THOC5: variants seen among roughly 807,000 people sequenced by gnomAD.
THOC5 encodes THO complex subunit 5.
Under a neutral mutation model 92.9 loss-of-function variants are expected in THOC5, and 43 were observed. The observed-to-expected ratio is 0.46, with a 90% CI of 0.36 to 0.60. The LOEUF is 0.60. THOC5 is among the 20% of genes least tolerant of loss of function. The pLI, the probability that THOC5 is intolerant of heterozygous loss-of-function variation, is 0.00. For missense variants in THOC5, 659 were observed against 849.4 expected, an observed-to-expected ratio of 0.78 and a Z score of 2.79; for synonymous variants, 296 against 320.1, an observed-to-expected ratio of 0.92 and a Z score of 0.80.
In THOC5 at chr22:29,520,992, A is replaced by G; in HGVS notation, c.1277+6T>C. The G allele has an allele frequency of 6.2e-7, 1 of 1,611,408 alleles. No individual in the cohort carries two copies. Among genetic ancestry groups the G allele is most frequent in the East Asian group, 2.2e-5 (1 of 44,866 alleles). Reference sequence around the variant, plus strand: ...GAGCTCGGAGAGGAGGAAACTGCTGACTCACCCAACTTTATCAAACTGATA... The same window carrying G: ...GAGCTCGGAGAGGAGGAAACTGCTGGCTCACCCAACTTTATCAAACTGATA... On this transcript the variant is annotated splice_donor_region_variant and intron_variant, in intron 13 of 19. Coordinates refer to ENST00000490103, the MANE Select transcript of THOC5 (RefSeq NM_003678.5).
chr22:29,515,021 A>G (rs1050515469), intron 17 of THOC5, among the ~76,000 whole-genome samples: 2 of 149,494 alleles, frequency 1.3e-5, no homozygotes, highest in African/African-American at 4.9e-5. Flanking sequence ...GTACTTTTAA[A>G]TTAAGGTATA....
intron 12 of THOC5, among the ~76,000 whole-genome samples, 195 bp downstream of exon 12, chr22:29,525,643 T>C (rs1486089361): frequency 6.6e-6 from 1 of 152,174 alleles, no homozygotes; most frequent in African/African-American, 2.4e-5. Context: ...TAAGAGGACT[T>C]CACAAATTAA....
intron 17 of THOC5, 65 bp from the exon 18 acceptor site, chr22:29,512,201 T>TC: frequency 7.8e-7 from 1 of 1,288,302 alleles, no homozygotes; most frequent in Admixed American, 1.8e-5. Flanking sequence ...CATGGCAGCC[T>TC]CCCCACTGCA....
rs547667686 is a variant in THOC5, at chr22:29,529,236, T to G, written c.851A>C (p.Lys284Thr). The G allele has an allele frequency of 1.2e-6, 2 of 1,614,160 alleles. No homozygotes were observed. Among genetic ancestry groups the G allele is most frequent in the Non-Finnish European group, 8.5e-7 (1 of 1,180,036 alleles). The change falls in exon 9 of 20, where the codon AAG becomes ACG. Residue 284 changes from lysine (K) to threonine (T), a missense_variant. Lys to Thr is a moderately conservative substitution (Grantham distance 78). Coordinates refer to ENST00000490103, the MANE Select transcript of THOC5 (RefSeq NM_003678.5). ...QATAYGQACD[K>T]TLSVAIEGSV... is the part of the protein sequence containing the mutation. ...GCCTTCGATTGCCACAGATAACGTC[T>G]TATCTGGGGGGCAAGAAGAAGTCTG...
intron 9 of THOC5, 84 bp from the exon 10 acceptor site, chr22:29,528,550 G>T: frequency 7.3e-7 from 1 of 1,371,086 alleles, no homozygotes; most frequent in Non-Finnish European, 1.0e-6. Context: ...GCATAAAGGG[G>T]CCCTGACTCT....
intron 11 of THOC5, among the ~76,000 whole-genome samples, chr22:29,527,296 G>A (rs1018079232): frequency 6.6e-6 from 1 of 152,176 alleles, no homozygotes; most frequent in Non-Finnish European, 1.5e-5. Context: ...GCACATGCCT[G>A]TAGCCCCCGC....
chr22:29,533,098 A>G (rs1362103881), intron 7 of THOC5, among the ~76,000 whole-genome samples: 1 of 152,250 alleles, frequency 6.6e-6, no homozygotes, highest in Non-Finnish European at 1.5e-5. Context: ...GAAGACTCAA[A>G]TATTGTCCAG....
Position 29,520,052 on chromosome 22 carries a change from C to T in THOC5, c.1330G>A (p.Val444Met), listed in dbSNP as rs747885558. 6 of 1,613,824 alleles carry T rather than the reference C, an allele frequency of 3.7e-6. No individual in the cohort carries two copies. The highest frequency in any genetic ancestry group is 1.3e-5 in the African/African-American group (1 of 74,988). ...AAGTGGAGGCCACCCAGCTTCTGCA[C>T]CCACAAATAGGGGTGACCTAGCTCA... ...VLELGHPYLW[V>M]QKLGGLHFPK... The change falls in exon 14 of 20, where the codon GTG becomes ATG. Residue 444 changes from valine to methionine, a missense_variant. By Grantham distance (21) the Val-to-Met change is conservative. Transcript: ENST00000490103.
chr22:29,515,674 A>AC (rs1877212790), intron 17 of THOC5, among the ~76,000 whole-genome samples: 1 of 151,580 alleles, frequency 6.6e-6, no homozygotes, highest in Admixed American at 6.6e-5. Flanking sequence ...AAAAAAAAAA[A>AC]AAAAAAATTA....
intron 2 of THOC5, among the ~76,000 whole-genome samples, chr22:29,548,371 C>T (rs1172541046): frequency 6.6e-5 from 10 of 152,034 alleles, no homozygotes; most frequent in Admixed American, 3.9e-4. Flanking sequence ...ACCTGGGTAA[C>T]GTGGCAAAAC....
chr22:29,552,193 T>C (rs2064168070), intron 1 of THOC5, among the ~76,000 whole-genome samples: 1 of 152,170 alleles, frequency 6.6e-6, no homozygotes, highest in African/African-American at 2.4e-5. Context: ...TTGCAGCCTC[T>C]GCCCGGCCGC....
intron 1 of THOC5, among the ~76,000 whole-genome samples, chr22:29,551,047 A>G (rs1382801109): frequency 6.6e-6 from 1 of 152,194 alleles, no homozygotes; most frequent in African/African-American, 2.4e-5. Context: ...TATTAACTAT[A>G]TTAATTTTTA....
chr22:29,520,098 C>T lies in THOC5; in HGVS notation c.1284G>A (p.Leu428=). ...NQYQFDKVGI[L]TLSDYVLELG... is the part of the protein sequence containing the mutation. Reference sequence around the variant, plus strand: ...GCTCAAGTACATAGTCGCTCAAAGTCAGGATGCTGCAGAAAAGAAGATAAA... The same window carrying T: ...GCTCAAGTACATAGTCGCTCAAAGTTAGGATGCTGCAGAAAAGAAGATAAA... Residue 428 remains leucine (L), a synonymous_variant, in exon 14 of 20, where the codon CTG becomes CTA. Transcript: ENST00000490103. 6.2e-7 allele frequency: 1 copy of T among 1,613,264 alleles called. No individual in the cohort carries two copies. Among genetic ancestry groups the T allele is most frequent in the South Asian group, 1.1e-5 (1 of 91,014 alleles).
chr22:29,524,612 G>A (rs958653194), intron 12 of THOC5, among the ~76,000 whole-genome samples: 6 of 152,166 alleles, frequency 3.9e-5, no homozygotes, highest in African/African-American at 1.4e-4. Context: ...CAGTGTAACT[G>A]GGTGCTCAGA....
chr22:29,524,988 T>C (rs8136096), intron 12 of THOC5, among the ~76,000 whole-genome samples: 4,418 of 152,196 alleles, frequency 0.029, 204 homozygotes, highest in African/African-American at 0.1. Context: ...AATGCCATGA[T>C]TGGGCCAGGT....
intron 17 of THOC5, among the ~76,000 whole-genome samples, chr22:29,512,628 A>T (rs1264124111): frequency 6.6e-6 from 1 of 152,220 alleles, no homozygotes; most frequent in Non-Finnish European, 1.5e-5. Context: ...GAGAGTCCTT[A>T]CTGTATCCCA....
intron 1 of THOC5, among the ~76,000 whole-genome samples, chr22:29,551,497 T>G (rs112547061): frequency 8.6e-5 from 13 of 152,032 alleles, no homozygotes; most frequent in Non-Finnish European, 1.3e-4. Context: ...CCCAACACTT[T>G]GGGAAACCAA....
intron 11 of THOC5, among the ~76,000 whole-genome samples, chr22:29,526,339 T>C (rs182510157): frequency 6.6e-5 from 10 of 152,206 alleles, no homozygotes; most frequent in Admixed American, 3.3e-4. Context: ...GAGACCATCC[T>C]GGCTAACACA....
chr22:29,531,606 T>A, intron 8 of THOC5: 1 of 1,275,660 alleles, frequency 7.8e-7, no homozygotes. Flanking sequence ...GGCTCACGAA[T>A]GACTCAAAGC....
Sources: allele counts gnomAD v4.1 joint callset (sites outside exome capture counted in the v4.1 genomes callset), GRCh38; gene constraint gnomAD v4.1.1; transcripts MANE v1.5; gene names NCBI Gene and HGNC (gene_info 2026-07-23, HGNC 2026-07-21).